Variants in FGD3 observed in about 807,000 individuals in gnomAD.
FGD3 encodes FYVE, RhoGEF and PH domain-containing protein 3.
FGD3 carries 45 observed loss-of-function variants against 71.8 expected under a neutral mutation model. The ratio of observed to expected loss-of-function variants is 0.63; its 90% CI spans 0.49 to 0.80. The LOEUF (loss-of-function observed/expected upper bound fraction) is 0.80, where lower values mean the gene tolerates loss of function less well. Among genes scored for constraint, FGD3 ranks in the 30% least tolerant of loss-of-function variants. The probability of loss-of-function intolerance (pLI) is 0.00; values close to 1 mark genes in which losing one functional copy is unlikely to be tolerated. For missense variants in FGD3, 844 were observed against 951.5 expected (o/e 0.89, Z 1.49); for synonymous variants, 378 against 392.8 (o/e 0.96, Z 0.44).
intron 2 of FGD3, 147 bp from the exon 3 acceptor site, chr9:92,976,061 C>T (rs1348411822): frequency 3.6e-6 from 2 of 548,034 alleles, no homozygotes; most frequent in Admixed American, 3.0e-5. Flanking sequence ...AGGGCATTCA[C>T]ACTTCACACA....
chr9:92,978,679 CT>C (rs1342177075), intron 3 of FGD3, among the ~76,000 whole-genome samples: 4 of 99,410 alleles, frequency 4.0e-5, no homozygotes, highest in Admixed American at 1.0e-4. Flanking sequence ...CCCCTCCCCC[CT>C]CTTCCTTCCC....
chr9:92,997,228 A>G (rs1222417624), intron 3 of FGD3, among the ~76,000 whole-genome samples: 3 of 152,122 alleles, frequency 2.0e-5, no homozygotes, highest in African/African-American at 7.2e-5. Context: ...ACCATTATGC[A>G]ATGGCCTTCT....
rs776859910 is a variant in FGD3 at position 93,032,898 on chromosome 9, C to G, written c.1785+25C>G. 3.1e-6 allele frequency: 5 copies of G among 1,605,834 alleles called. No individual in the cohort carries two copies. In the East Asian group the frequency reaches 1.1e-4, roughly 36 times the overall value. On this transcript the variant is annotated intron_variant, in intron 16 of 17. Coordinates refer to ENST00000375482, the MANE Select transcript of FGD3 (RefSeq NM_001083536.2). The stretch of plus-strand genomic sequence containing the variant: ...GGTGGGTGCTCCCAGCTCCTGCTCC[C>G]CTCCTGGTGGCGCGGCAGAGCCTCC...
At chr9:92,965,375 C>T (rs760329447) in intron 1 of FGD3, among the ~76,000 whole-genome samples, 6 of 152,232 alleles carry the variant, frequency 3.9e-5, no homozygotes. Flanking sequence ...CTGGGCCCCC[C>T]AGCCTGCAAA....
chr9:93,034,764 C>G, intron 17 of FGD3, 83 bp downstream of exon 17: 1 of 1,449,864 alleles, frequency 6.9e-7, no homozygotes, highest in Non-Finnish European at 9.3e-7. Context: ...CCTGTGCCAC[C>G]AGCTGGGGTC....
At position 93,035,481 on chromosome 9, in the gene FGD3, G is replaced by A; in HGVS notation, c.2070G>A (p.Leu690=). 2 of 1,613,600 alleles carry A rather than the reference G, an allele frequency of 1.2e-6. No homozygotes were observed. The highest frequency in any genetic ancestry group is 1.7e-6 in the Non-Finnish European group (2 of 1,180,010). Residue 690 remains leucine (L), a synonymous_variant, in exon 18 of 18, where the codon CTG becomes CTA. Transcript: ENST00000375482. ...ACCTGAGCGCCTCCTCCGCAGAGCT[G>A]CAGCAGCAGTGGCTGGAAACCCTAA... is the stretch of plus-strand genomic sequence containing the variant. ...SWYLSASSAE[L]QQQWLETLST... is the part of the protein sequence containing the mutation.
intron 6 of FGD3, among the ~76,000 whole-genome samples, chr9:93,006,957 G>T (rs1861084535): frequency 6.6e-6 from 1 of 151,782 alleles, no homozygotes; most frequent in Non-Finnish European, 1.5e-5. Context: ...TCGATCTCCT[G>T]ACCTCATGAT....
chr9:92,960,952 T>C (rs2118516230), intron 1 of FGD3, among the ~76,000 whole-genome samples: 1 of 150,672 alleles, frequency 6.6e-6, no homozygotes, highest in East Asian at 2.0e-4. Context: ...CCTGGGGCTC[T>C]CTCCTGGTGA....
rs745940379 is a variant in FGD3 at position 93,035,799 on chromosome 9, C to G, written c.*210C>G. The G allele has an allele frequency of 1.5e-6, 1 of 667,742 alleles. No individual in the cohort carries two copies. Among genetic ancestry groups the G allele is most frequent in the Non-Finnish European group, 2.4e-6 (1 of 423,904 alleles). The allele number at this position is 667,742 out of a possible 1,614,324, so 41.4% of individuals were successfully genotyped here. A position where few individuals can be genotyped will look rare whatever the true frequency, so the allele number is the denominator to read the frequency against. On this transcript the variant is annotated 3_prime_UTR_variant, in exon 18 of 18. Coordinates refer to ENST00000375482, the MANE Select transcript of FGD3 (RefSeq NM_001083536.2). ...TCACCCAGCAAGTTTTGGCTAAGAG[C>G]CTGGCCTCCAGCCCCAGCAGTGTGG...
intron 1 of FGD3, among the ~76,000 whole-genome samples, chr9:92,949,777 C>T (rs1388925225): frequency 5.3e-5 from 8 of 152,264 alleles, no homozygotes; most frequent in Admixed American, 3.9e-4. Context: ...GCTTCCTCCA[C>T]AACACCCCTG....
At chr9:92,978,025 A>G (rs1026286751) in intron 3 of FGD3, among the ~76,000 whole-genome samples, 6 of 152,158 alleles carry the variant, frequency 3.9e-5, no homozygotes, top group Non-Finnish European at 7.4e-5. Context: ...GCTCACGCCT[A>G]TAATCCTAGC....
intron 3 of FGD3, among the ~76,000 whole-genome samples, chr9:92,992,670 C>T (rs963904959): frequency 2.6e-5 from 4 of 152,024 alleles, no homozygotes; most frequent in African/African-American, 4.8e-5. Flanking sequence ...GGAATGCAGA[C>T]GGAGCCCAGT....
chr9:93,032,110 C>G (rs1479879968), intron 15 of FGD3, among the ~76,000 whole-genome samples: 1 of 152,224 alleles, frequency 6.6e-6, no homozygotes, highest in African/African-American at 2.4e-5. Context: ...TGCCGATGGA[C>G]ACGGGTTGCT....
intron 8 of FGD3, 117 bp from the exon 9 acceptor site, chr9:93,013,735 G>A: frequency 7.7e-7 from 1 of 1,296,536 alleles, no homozygotes; most frequent in Non-Finnish European, 1.1e-6. Flanking sequence ...ACCCTTGTCA[G>A]TAGCTCATTG....
chr9:92,955,441 C>G (rs1056377498), intron 1 of FGD3, among the ~76,000 whole-genome samples: 2 of 152,142 alleles, frequency 1.3e-5, no homozygotes, highest in Non-Finnish European at 2.9e-5. Flanking sequence ...GAGGCTGAGG[C>G]AGCCTGGGCA....
intron 11 of FGD3, among the ~76,000 whole-genome samples, chr9:93,018,508 A>C (rs1001425727): frequency 3.3e-5 from 5 of 152,200 alleles, no homozygotes; most frequent in Admixed American, 1.3e-4. Context: ...TAAATGTAAC[A>C]ATGTGTAAGA....
intron 1 of FGD3, among the ~76,000 whole-genome samples, chr9:92,960,456 C>T (rs549320180): frequency 6.6e-6 from 1 of 152,260 alleles, no homozygotes; most frequent in South Asian, 2.1e-4. Flanking sequence ...CTCCTTAAAC[C>T]TTCCATTCAA....
intron 1 of FGD3, among the ~76,000 whole-genome samples, chr9:92,962,560 T>C (rs1859189084): frequency 6.6e-6 from 1 of 152,204 alleles, no homozygotes; most frequent in Non-Finnish European, 1.5e-5. Flanking sequence ...GTACCTACCA[T>C]AGGCAAAGCC....
intron 3 of FGD3, among the ~76,000 whole-genome samples, chr9:92,997,110 A>G (rs1860677276): frequency 6.6e-6 from 1 of 152,190 alleles, no homozygotes; most frequent in Non-Finnish European, 1.5e-5. Context: ...GTGGGAGTCT[A>G]AGTCTCTTTG....
Sources: gnomAD v4.1 joint callset for allele counts (sites outside exome capture counted in the v4.1 genomes callset) on GRCh38, gnomAD v4.1.1 for gene constraint, MANE v1.5 for transcripts, NCBI Gene and HGNC (gene_info 2026-07-23, HGNC 2026-07-21) for gene names.